Variants in PPP1R13B observed in about 807,000 individuals in gnomAD.
PPP1R13B encodes protein phosphatase 1 regulatory subunit 13B.
PPP1R13B carries 44 observed loss-of-function variants against 119.8 expected under a neutral mutation model. The ratio of observed to expected loss-of-function variants is 0.37; its 90% CI spans 0.29 to 0.47. PPP1R13B has a LOEUF of 0.47. PPP1R13B is among the 20% of genes least tolerant of loss of function. The pLI is 0.99. For missense variants in PPP1R13B, 1,227 were observed against 1,413.5 expected (o/e 0.87, Z 2.12); for synonymous variants, 542 against 561.5 (o/e 0.97, Z 0.49).
Position 103,847,518 on chromosome 14 carries a change from GGCCGCCGCC to G in PPP1R13B, c.-220_-212del, listed in dbSNP as rs891656496. 336 of 984,580 alleles carry G rather than the reference GGCCGCCGCC, an allele frequency of 3.4e-4. 5 individuals carry two copies. The East Asian group carries it at 0.021, about 62-fold the overall frequency. The allele number at this position is 984,580 out of a possible 1,614,324, so 61.0% of individuals were successfully genotyped here. A position where few individuals can be genotyped will look rare whatever the true frequency, so the allele number is the denominator to read the frequency against. ...CGCTGCGTCGCTGTCCCGGGCACCC[GGCCGCCGCC>G]GCCGCCGCCTCAACCTCAGCCTCAG... On this transcript the variant is annotated 5_prime_UTR_variant, in exon 1 of 17. Transcript: ENST00000202556.
intron 4 of PPP1R13B, among the ~76,000 whole-genome samples, chr14:103,758,759 TTCC>T (rs755481426): frequency 3.3e-5 from 5 of 152,174 alleles, no homozygotes; most frequent in Non-Finnish European, 7.3e-5. Context: ...GGCCACACAG[TTCC>T]TCCTCAAGCT....
At chr14:103,769,908 T>C (rs893697838) in intron 4 of PPP1R13B, among the ~76,000 whole-genome samples, 1 of 152,196 alleles carries the variant, frequency 6.6e-6, no homozygotes, top group Non-Finnish European at 1.5e-5. Context: ...TAACATCTCA[T>C]TAAATTCTGA....
intron 1 of PPP1R13B, among the ~76,000 whole-genome samples, chr14:103,803,133 T>C (rs140616914): frequency 2.0e-5 from 3 of 152,284 alleles, no homozygotes; most frequent in East Asian, 3.9e-4. Context: ...AAAACAAATA[T>C]AGTGTATTGA....
chr14:103,816,121 C>T (rs1386613056), intron 1 of PPP1R13B, among the ~76,000 whole-genome samples: 3 of 151,562 alleles, frequency 2.0e-5, no homozygotes, highest in African/African-American at 7.3e-5. Flanking sequence ...GCCAAGTATT[C>T]AACCTATACC....
At chr14:103,792,275 T>C (rs1218725137) in intron 2 of PPP1R13B, among the ~76,000 whole-genome samples, 2 of 151,834 alleles carry the variant, frequency 1.3e-5, no homozygotes, top group Non-Finnish European at 2.9e-5. Context: ...AGTGGTGTGA[T>C]CAAGCGATCG....
Position 103,739,866 on chromosome 14 carries a change from T to C in PPP1R13B, c.2550A>G (p.Pro850=), listed in dbSNP as rs765202662. The stretch of plus-strand genomic sequence containing the variant: ...GGTGGCTGGCAGGGGGAAGAGGTGC[T>C]GGAGGGACCTGCTCTTCCCCTGGAG... ...APSPGEEQVP[P]APLPPASHPP... is the part of the protein sequence containing the mutation. The change falls in exon 12 of 17, where the codon CCA becomes CCG. Residue 850 remains proline, a synonymous_variant. Transcript: ENST00000202556. 2.5e-6 allele frequency: 4 copies of C among 1,613,512 alleles called. 1 individual carries two copies. The highest frequency in any genetic ancestry group is 3.4e-6 in the Non-Finnish European group (4 of 1,179,860).
At chr14:103,808,123 T>C (rs1171507257) in intron 1 of PPP1R13B, among the ~76,000 whole-genome samples, 1 of 151,780 alleles carries the variant, frequency 6.6e-6, no homozygotes, top group Non-Finnish European at 1.5e-5. Context: ...CACCTGCCTA[T>C]AATCCCAGCT....
At chr14:103,840,307 T>C (rs1325683189) in intron 1 of PPP1R13B, among the ~76,000 whole-genome samples, 3 of 152,274 alleles carry the variant, frequency 2.0e-5, no homozygotes, top group African/African-American at 4.8e-5. Flanking sequence ...AAACGCATGT[T>C]GACAACCAGT....
chr14:103,813,691 T>G (rs1048455982), intron 1 of PPP1R13B, among the ~76,000 whole-genome samples: 2 of 152,194 alleles, frequency 1.3e-5, no homozygotes, highest in African/African-American at 4.8e-5. Context: ...TAGTTCTTTA[T>G]AGCAGGGTAA....
chr14:103,799,720 C>T (rs1229007772), intron 1 of PPP1R13B, among the ~76,000 whole-genome samples: 1 of 150,252 alleles, frequency 6.7e-6, no homozygotes, highest in Non-Finnish European at 1.5e-5. Flanking sequence ...CTCAGTGGAA[C>T]AATGAAAGAG....
At position 103,812,127 on chromosome 14, in the gene PPP1R13B, G is replaced by GT. The variant is rs754523884; in HGVS notation, c.10-14610dup. On this transcript the variant is annotated intron_variant, in intron 1 of 16. Coordinates refer to ENST00000202556, the MANE Select transcript of PPP1R13B (RefSeq NM_015316.3). ...GCTAATGTTTTTGTTTCTGTGTGTG[G>GT]TTTTTTTTTTTTTTTTTTTCTAGAC... Among the ~76,000 whole-genome samples the GT allele has an allele frequency of 3.0e-3, 365 of 121,304 alleles. 2 individuals are homozygous for GT. Among genetic ancestry groups the GT allele is most frequent in the Middle Eastern group, 9.1e-3 (2 of 220 alleles). The allele number at this position is 121,304 out of a possible 152,430, so 79.6% of individuals were successfully genotyped here.
intron 1 of PPP1R13B, among the ~76,000 whole-genome samples, chr14:103,806,326 T>C (rs1178175524): frequency 6.6e-6 from 1 of 152,196 alleles, no homozygotes; most frequent in Non-Finnish European, 1.5e-5. Flanking sequence ...AGCTCACCTA[T>C]ACCATCTACT....
intron 4 of PPP1R13B, among the ~76,000 whole-genome samples, chr14:103,758,674 G>A (rs1449703530): frequency 6.6e-6 from 1 of 152,198 alleles, no homozygotes; most frequent in East Asian, 1.9e-4. Context: ...CATGCCTAGA[G>A]GCACGCAGCT....
At chr14:103,776,162 A>G (rs866027110) in intron 4 of PPP1R13B, among the ~76,000 whole-genome samples, 1 of 71,788 alleles carries the variant, frequency 1.4e-5, no homozygotes, top group African/African-American at 9.7e-5. Flanking sequence ...GGAAGGGAGG[A>G]AGGGAAGGAG....
intron 7 of PPP1R13B, 126 bp downstream of exon 7, chr14:103,752,874 C>T: frequency 9.4e-7 from 1 of 1,061,064 alleles, no homozygotes; most frequent in Non-Finnish European, 1.4e-6. Context: ...CTGAATATAT[C>T]TTGTGCCTAT....
Position 103,808,039 on chromosome 14 carries a change from G to A in PPP1R13B, c.10-10521C>T, listed in dbSNP as rs186506002. The stretch of plus-strand genomic sequence containing the variant: ...ACAGATCATTTGAGGTCAGGAGTTC[G>A]AGACCAGCCTGGCCAACATGGCGAA... On this transcript the variant is annotated intron_variant, in intron 1 of 16. Transcript: ENST00000202556. Among the ~76,000 whole-genome samples the A allele has an allele frequency of 3.7e-3, 556 of 151,878 alleles. 3 individuals are homozygous for A. Among genetic ancestry groups the A allele is most frequent in the Non-Finnish European group, 6.0e-3 (408 of 67,932 alleles).
At chr14:103,842,028 G>A (rs919711176) in intron 1 of PPP1R13B, among the ~76,000 whole-genome samples, 1 of 152,120 alleles carries the variant, frequency 6.6e-6, no homozygotes, top group Non-Finnish European at 1.5e-5. Flanking sequence ...TGTCAATTAC[G>A]TGTTATTTGT....
At chr14:103,803,975 C>T (rs972823937) in intron 1 of PPP1R13B, 26 of 883,452 alleles carry the variant, frequency 2.9e-5, no homozygotes, top group Non-Finnish European at 4.1e-6. Flanking sequence ...ATTTATAGTA[C>T]AACTTTCTTA....
At chr14:103,821,768 A>T (rs1181376669) in intron 1 of PPP1R13B, among the ~76,000 whole-genome samples, 11 of 151,858 alleles carry the variant, frequency 7.2e-5, no homozygotes, top group Non-Finnish European at 1.3e-4. Context: ...ATAAATAAAT[A>T]AAATAAATAA....
Sources: gnomAD v4.1 joint callset for allele counts (sites outside exome capture counted in the v4.1 genomes callset) on GRCh38, gnomAD v4.1.1 for gene constraint, MANE v1.5 for transcripts, NCBI Gene and HGNC (gene_info 2026-07-23, HGNC 2026-07-21) for gene names.